Variants in TBC1D19 observed in about 807,000 individuals in gnomAD.
The protein encoded by TBC1D19 is TBC1 domain family member 19.
TBC1D19 carries 60 observed loss-of-function variants against 89.0 expected under a neutral mutation model. The ratio of observed to expected loss-of-function variants is 0.67; its 90% CI spans 0.55 to 0.84. TBC1D19 has a LOEUF of 0.84. TBC1D19 is among the 40% of genes least tolerant of loss of function. The pLI is 0.00. For synonymous variants in TBC1D19, 189 were observed against 199.7 expected (o/e 0.95, Z 0.45); for missense variants, 500 against 610.8 (o/e 0.82, Z 1.91).
chr4:26,603,333 C>T (rs1170695150), intron 1 of TBC1D19, among the ~76,000 whole-genome samples: 1 of 152,018 alleles, frequency 6.6e-6, no homozygotes, highest in Non-Finnish European at 1.5e-5. Context: ...TATAATGTTA[C>T]AAAATTATGT....
chr4:26,729,933 A>T (rs1717549235), intron 15 of TBC1D19, among the ~76,000 whole-genome samples: 1 of 152,208 alleles, frequency 6.6e-6, no homozygotes, highest in African/African-American at 2.4e-5. Context: ...TGGTAGATGG[A>T]TAAATAGTGG....
chr4:26,656,738 T>C (rs1744846807), intron 7 of TBC1D19, among the ~76,000 whole-genome samples: 1 of 152,056 alleles, frequency 6.6e-6, no homozygotes, highest in Admixed American at 6.6e-5. Flanking sequence ...TTTTGTATTT[T>C]AGTAGCAATG....
At chr4:26,847,690 T>G in the TBC1D19 span, among the ~76,000 whole-genome samples, 10 of 152,262 alleles carry the variant, frequency 6.6e-5, no homozygotes, top group South Asian at 2.1e-3. Flanking sequence ...TGCAGATGCA[T>G]CAGAAATAGA....
At chr4:26,653,731 T>A (rs2109053908) in intron 7 of TBC1D19, among the ~76,000 whole-genome samples, 1 of 152,302 alleles carries the variant, frequency 6.6e-6, no homozygotes, top group South Asian at 2.1e-4. Context: ...GCTTGGTAGA[T>A]CTTCCTCCAT....
At chr4:26,723,342 T>C (rs889780323) in intron 15 of TBC1D19, among the ~76,000 whole-genome samples, 4 of 152,152 alleles carry the variant, frequency 2.6e-5, no homozygotes, top group Non-Finnish European at 5.9e-5. Flanking sequence ...CTGCCAAAGA[T>C]ATTATTACTT....
downstream of TBC1D19, among the ~76,000 whole-genome samples, chr4:26,757,258 A>C (rs982143170): frequency 6.6e-6 from 1 of 151,710 alleles, no homozygotes; most frequent in Non-Finnish European, 1.5e-5. Context: ...CAAGTGATCC[A>C]CCCGCCTCAG....
chr4:26,683,585 A>G (rs1277380217), intron 11 of TBC1D19, 90 bp from the exon 12 acceptor site: 6 of 985,822 alleles, frequency 6.1e-6, no homozygotes, highest in Non-Finnish European at 7.6e-6. Context: ...TGCCCTTCTT[A>G]GTGTTTAGAA....
chr4:26,855,034 T>C, the TBC1D19 span, among the ~76,000 whole-genome samples: 2 of 152,228 alleles, frequency 1.3e-5, no homozygotes, highest in African/African-American at 4.8e-5. Flanking sequence ...GTCTCCACTA[T>C]GGAGGCATCG....
At chr4:26,594,251 A>G (rs7687277) in intron 1 of TBC1D19, among the ~76,000 whole-genome samples, 1,934 of 152,232 alleles carry the variant, frequency 0.013, 35 homozygotes, top group African/African-American at 0.043. Flanking sequence ...CAAAAAACCA[A>G]ACACTGCATG....
At chr4:26,794,560 T>C in the TBC1D19 span, among the ~76,000 whole-genome samples, 3 of 152,084 alleles carry the variant, frequency 2.0e-5, no homozygotes. Flanking sequence ...ATATACAAAA[T>C]ATCAAAATTA....
At chr4:26,668,833 A>C (rs1396203433) in intron 9 of TBC1D19, among the ~76,000 whole-genome samples, 1 of 151,912 alleles carries the variant, frequency 6.6e-6, no homozygotes, top group Non-Finnish European at 1.5e-5. Flanking sequence ...TATATTTGAA[A>C]TGCACTTCTT....
intron 1 of TBC1D19, among the ~76,000 whole-genome samples, chr4:26,577,251 G>A (rs1250039988): frequency 2.6e-5 from 4 of 152,002 alleles, no homozygotes; most frequent in Admixed American, 6.6e-5. Context: ...CCAGTCACAT[G>A]AGCCAAATCC....
chr4:26,787,395 C>A, the TBC1D19 span, among the ~76,000 whole-genome samples: 1 of 152,090 alleles, frequency 6.6e-6, no homozygotes, highest in African/African-American at 2.4e-5. Context: ...AGCCACAGCG[C>A]CTGTCTAAAA....
chr4:26,791,176 G>A, the TBC1D19 span, among the ~76,000 whole-genome samples: 2 of 152,070 alleles, frequency 1.3e-5, no homozygotes, highest in East Asian at 3.9e-4. Flanking sequence ...AACCCTGCAT[G>A]GCCCTTGGCT....
chr4:26,753,966 G>T (rs779165479), intron 20 of TBC1D19, 76 bp downstream of exon 20: 36 of 1,520,332 alleles, frequency 2.4e-5, no homozygotes, highest in African/African-American at 6.8e-5. Context: ...AGTGTCTGTT[G>T]CATAGGACAC....
At chr4:26,695,396 A>G (rs952373220) in intron 13 of TBC1D19, among the ~76,000 whole-genome samples, 2 of 152,226 alleles carry the variant, frequency 1.3e-5, no homozygotes, top group African/African-American at 4.8e-5. Flanking sequence ...GTGTACCTGA[A>G]AGTGATGGGG....
At chr4:26,607,796 G>T (rs567404398) in intron 1 of TBC1D19, among the ~76,000 whole-genome samples, 1 of 152,000 alleles carries the variant, frequency 6.6e-6, no homozygotes, top group East Asian at 1.9e-4. Flanking sequence ...ATCTTTTGTC[G>T]TGTGTTTGGG....
chr4:26,706,194 A>G (rs899480980), intron 13 of TBC1D19, among the ~76,000 whole-genome samples: 2 of 152,096 alleles, frequency 1.3e-5, no homozygotes, highest in African/African-American at 4.8e-5. Context: ...TTGATTATTG[A>G]TGAATATTTT....
At chr4:26,826,771 C>T in the TBC1D19 span, among the ~76,000 whole-genome samples, 114 of 152,264 alleles carry the variant, frequency 7.5e-4, no homozygotes, top group African/African-American at 2.6e-3. Context: ...GTTACTGCCC[C>T]GGTGGCGGGT....
Sources: allele counts gnomAD v4.1 joint callset (sites outside exome capture counted in the v4.1 genomes callset), GRCh38; gene constraint gnomAD v4.1.1; transcripts MANE v1.5; gene names NCBI Gene and HGNC (gene_info 2026-07-23, HGNC 2026-07-21).